PIGL: variants seen among roughly 807,000 people sequenced by gnomAD.
PIGL encodes phosphatidylinositol glycan anchor biosynthesis class L.
A neutral mutation model predicts 31.1 loss-of-function variants in PIGL; 22 were observed. The ratio of observed to expected loss-of-function variants is 0.71; its 90% CI spans 0.51 to 1.01. PIGL has a LOEUF of 1.01. Among genes scored for constraint, PIGL ranks in the 50% least tolerant of loss-of-function variants. The pLI, the probability that PIGL is intolerant of heterozygous loss-of-function variation, is 0.00. For synonymous variants in PIGL, 131 were observed against 117.4 expected (o/e 1.12, Z -0.75); for missense variants, 302 against 315.9 (o/e 0.96, Z 0.33).
At chr17:16,320,227 AAGGAAGGAAG>A (rs2093097726) in intron 6 of PIGL, among the ~76,000 whole-genome samples, 1 of 111,786 alleles carries the variant, frequency 8.9e-6, no homozygotes, top group Non-Finnish European at 1.8e-5. Context: ...GGAAGGAAGG[AAGGAAGGAAG>A]GAAGGAAGGA....
intron 4 of PIGL, among the ~76,000 whole-genome samples, chr17:16,315,917 C>T (rs1431229702): frequency 1.3e-5 from 2 of 151,604 alleles, no homozygotes; most frequent in African/African-American, 4.8e-5. Flanking sequence ...AGGCTGGTGC[C>T]GAACTCCTGA....
At chr17:16,261,670 G>GTTTGAGACCCGCCTGGAA (rs1482033534) in intron 2 of PIGL, among the ~76,000 whole-genome samples, 9 of 152,046 alleles carry the variant, frequency 5.9e-5, no homozygotes, top group Non-Finnish European at 1.2e-4. Context: ...GAAGCCAGGA[G>GTTTGAGACCCGCCTGGAA]TTTGAGACCC....
chr17:16,220,693 G>A (rs1430466933), intron 1 of PIGL, among the ~76,000 whole-genome samples: 1 of 151,820 alleles, frequency 6.6e-6, no homozygotes, highest in Non-Finnish European at 1.5e-5. Context: ...CTCCATGTTG[G>A]TCAGGCTGGT....
chr17:16,283,507 A>C (rs1186400208), intron 2 of PIGL, among the ~76,000 whole-genome samples: 1 of 152,130 alleles, frequency 6.6e-6, no homozygotes, highest in East Asian at 1.9e-4. Flanking sequence ...TGCTCATTCA[A>C]GACTCACTGC....
At chr17:16,305,445 C>T (rs2093022463) in intron 3 of PIGL, among the ~76,000 whole-genome samples, 1 of 152,160 alleles carries the variant, frequency 6.6e-6, no homozygotes, top group African/African-American at 2.4e-5. Flanking sequence ...AATACTTTTG[C>T]ACTTTAGGAA....
chr17:16,219,562 G>C (rs1018537692), intron 1 of PIGL, among the ~76,000 whole-genome samples: 2 of 151,378 alleles, frequency 1.3e-5, no homozygotes, highest in African/African-American at 4.9e-5. Flanking sequence ...TTTGGTGGGG[G>C]GTTTTTTGTT....
At chr17:16,320,464 G>A (rs1007449817) in intron 6 of PIGL, among the ~76,000 whole-genome samples, 43 of 37,718 alleles carry the variant, frequency 1.1e-3, no homozygotes, top group Admixed American at 2.3e-3. Context: ...GAGGGAAGGA[G>A]GGAAGGAAGG....
At chr17:16,272,487 T>G in intron 2 of PIGL, among the ~76,000 whole-genome samples, 1 of 152,232 alleles carries the variant, frequency 6.6e-6, no homozygotes, top group East Asian at 1.9e-4. Flanking sequence ...AAACCTCTAC[T>G]TAACCCTCCT....
intron 2 of PIGL, among the ~76,000 whole-genome samples, chr17:16,294,957 G>A (rs534155828): frequency 1.3e-5 from 2 of 152,260 alleles, no homozygotes; most frequent in East Asian, 3.9e-4. Flanking sequence ...TTGTTTCACT[G>A]TTTCCTGTTT....
intron 2 of PIGL, among the ~76,000 whole-genome samples, chr17:16,266,566 G>A (rs2092844082): frequency 6.6e-6 from 1 of 151,798 alleles, no homozygotes; most frequent in South Asian, 2.1e-4. Flanking sequence ...CTAGTAGACT[G>A]ACTTACAAGT....
intron 5 of PIGL, 137 bp from the exon 6 acceptor site, chr17:16,317,638 G>A (rs1242240370): frequency 2.0e-6 from 3 of 1,497,704 alleles, no homozygotes; most frequent in African/African-American, 2.8e-5. Context: ...CAGCTTTAGT[G>A]CCACAGAAAC....
intron 1 of PIGL, among the ~76,000 whole-genome samples, chr17:16,220,770 G>T (rs1353389396): frequency 6.6e-6 from 1 of 152,040 alleles, no homozygotes; most frequent in Admixed American, 6.6e-5. Flanking sequence ...TTACAGGCGT[G>T]AGCCACCGCG....
At chr17:16,306,872 G>A (rs936031867) in intron 3 of PIGL, among the ~76,000 whole-genome samples, 7 of 152,126 alleles carry the variant, frequency 4.6e-5, no homozygotes, top group Admixed American at 1.3e-4. Flanking sequence ...GATTCTTAGA[G>A]TGACAGTTCA....
Position 16,325,908 on chromosome 17 carries a change from G to T in PIGL, c.*10G>T, listed in dbSNP as rs1382937648. The T allele has an allele frequency of 6.3e-7, 1 of 1,587,318 alleles. No individual in the cohort carries two copies. Among genetic ancestry groups the T allele is most frequent in the Non-Finnish European group, 8.7e-7 (1 of 1,155,780 alleles). Reference sequence around the variant, plus strand: ...ACTGAGCTTCCTCTGAAGCCTTGAAGGGTTTTCAGATCCAAGGAACAAAGG... The same window carrying T: ...ACTGAGCTTCCTCTGAAGCCTTGAATGGTTTTCAGATCCAAGGAACAAAGG... On this transcript the variant is annotated 3_prime_UTR_variant, in exon 7 of 7. Coordinates refer to ENST00000225609, the MANE Select transcript of PIGL (RefSeq NM_004278.4).
At chr17:16,220,193 C>T (rs998870400) in intron 1 of PIGL, among the ~76,000 whole-genome samples, 4 of 151,828 alleles carry the variant, frequency 2.6e-5, no homozygotes, top group African/African-American at 7.3e-5. Context: ...CCTACAAATA[C>T]AAAAATTAGC....
At chr17:16,295,888 C>A (rs1387129613) in intron 2 of PIGL, among the ~76,000 whole-genome samples, 3 of 152,146 alleles carry the variant, frequency 2.0e-5, no homozygotes, top group African/African-American at 7.2e-5. Flanking sequence ...TTGCAGTGAG[C>A]TAGGATGGTG....
chr17:16,217,417 T>C lies in PIGL; in HGVS notation c.191T>C (p.Leu64Ser), dbSNP rs747555417. 3.7e-6 allele frequency: 6 copies of C among 1,614,198 alleles called. No individual in the cohort carries two copies. The East Asian group carries it at 1.3e-4, about 36-fold the overall frequency. Residue 64 changes from leucine (L) to serine (S), a missense_variant, in exon 1 of 7, where the codon TTG becomes TCG. By Grantham distance (145) the Leu-to-Ser change is moderately radical. Coordinates refer to ENST00000225609, the MANE Select transcript of PIGL (RefSeq NM_004278.4). ...TTTTTTGCTCCCACAGTGCTAGGCT[T>C]GGCCCGCCTAAGGCACTGGGTGTAC... ...AMFFAPTVLG[L>S]ARLRHWVYLL...
intron 2 of PIGL, among the ~76,000 whole-genome samples, chr17:16,277,621 T>G (rs954627424): frequency 1.3e-5 from 2 of 152,202 alleles, no homozygotes; most frequent in South Asian, 4.1e-4. Flanking sequence ...CCTGAAAGTT[T>G]TTTCCTCTAT....
intron 2 of PIGL, among the ~76,000 whole-genome samples, chr17:16,258,812 A>T (rs73281961): frequency 0.031 from 4,767 of 152,210 alleles, 250 homozygotes; most frequent in African/African-American, 0.11. Context: ...GGAAGTAGAC[A>T]TTTTTTTATT....
Sources: gnomAD v4.1 joint callset for allele counts (sites outside exome capture counted in the v4.1 genomes callset) on GRCh38, gnomAD v4.1.1 for gene constraint, MANE v1.5 for transcripts, NCBI Gene and HGNC (gene_info 2026-07-23, HGNC 2026-07-21) for gene names.